The following SMC5 variants were observed in gnomAD, a reference collection of about 807,000 sequenced individuals.
SMC5 encodes structural maintenance of chromosomes protein 5.
SMC5 carries 88 observed loss-of-function variants against 148.3 expected under a neutral mutation model. The ratio of observed to expected loss-of-function variants is 0.59; its 90% CI spans 0.50 to 0.71. SMC5 has a LOEUF of 0.71. Ranked by LOEUF, SMC5 falls within the 30% of genes least tolerant of loss-of-function variation. The pLI, the probability that SMC5 is intolerant of heterozygous loss-of-function variation, is 0.00. For synonymous variants in SMC5, 421 were observed against 432.8 expected, an observed-to-expected ratio of 0.97 and a Z score of 0.34; for missense variants, 1,142 against 1,298.9, an observed-to-expected ratio of 0.88 and a Z score of 1.86.
At chr9:70,278,817 G>A (rs2034668482) in intron 5 of SMC5, among the ~76,000 whole-genome samples, 192 bp downstream of exon 5, 1 of 151,998 alleles carries the variant, frequency 6.6e-6, no homozygotes, top group Non-Finnish European at 1.5e-5. Flanking sequence ...AGTTTAAAAA[G>A]GTTGACTATT....
At chr9:70,309,281 A>T (rs1291418358) in intron 11 of SMC5, among the ~76,000 whole-genome samples, 2 of 136,080 alleles carry the variant, frequency 1.5e-5, no homozygotes, top group Non-Finnish European at 3.1e-5. Context: ...AGCATATGAT[A>T]GCATTTTACC....
intron 4 of SMC5, 105 bp from the exon 5 acceptor site, chr9:70,278,386 T>C: frequency 2.6e-6 from 3 of 1,134,796 alleles, no homozygotes; most frequent in Non-Finnish European, 3.8e-6. Context: ...TCAAATGTTT[T>C]TTTTAATGAG....
At chr9:70,279,817 CAAAAAA>C (rs561567100) in intron 5 of SMC5, among the ~76,000 whole-genome samples, 22 of 56,612 alleles carry the variant, frequency 3.9e-4, no homozygotes, top group African/African-American at 8.6e-4. Flanking sequence ...AACTCCGTTT[CAAAAAA>C]AAAAAAAAAA....
At position 70,259,258 on chromosome 9, in the gene SMC5, C is replaced by T. The variant is rs1233818356; in HGVS notation, c.180C>T (p.Asn60=). Residue 60 remains asparagine (N), a synonymous_variant, in exon 1 of 25, where the codon AAC becomes AAT. Coordinates refer to ENST00000361138, the MANE Select transcript of SMC5 (RefSeq NM_015110.4). ...EGSIVRISME[N]FLTYDICEVS... Reference sequence around the variant, plus strand: ...CTATCGTCCGCATCTCGATGGAGAACTTCCTGTAAGTTGCCCGGAGGCCGC... The same window carrying T: ...CTATCGTCCGCATCTCGATGGAGAATTTCCTGTAAGTTGCCCGGAGGCCGC... The T allele has an allele frequency of 6.3e-7, 1 of 1,582,892 alleles. No individual in the cohort carries two copies. Among genetic ancestry groups the T allele is most frequent in the Admixed American group, 1.8e-5 (1 of 55,672 alleles).
Position 70,275,430 on chromosome 9 carries a change from G to A in SMC5, c.381-1880G>A, listed in dbSNP as rs184795543. Among the ~76,000 whole-genome samples, 16 of 152,092 alleles carry A rather than the reference G, an allele frequency of 1.1e-4. No individual in the cohort carries two copies. The East Asian group carries it at 2.9e-3, about 28-fold the overall frequency. ...TGCTCAGACAGGTCTCGAACTCCTA[G>A]GCTCAAGTGATCCTCCCACCTTTGC... is the stretch of plus-strand genomic sequence containing the variant. On this transcript the variant is annotated intron_variant, in intron 3 of 24. Coordinates refer to ENST00000361138, the MANE Select transcript of SMC5 (RefSeq NM_015110.4).
In SMC5 at chr9:70,282,465, T is replaced by C. The variant is rs149237018; in HGVS notation, c.863T>C (p.Val288Ala). 2 of 1,606,096 alleles carry C rather than the reference T, an allele frequency of 1.2e-6. No homozygotes were observed. Among genetic ancestry groups the C allele is most frequent in the Non-Finnish European group, 1.7e-6 (2 of 1,177,700 alleles). ...CAGGAATATGAAGAAGTAAAACTAG[T>C]TCGTGACCGAGTGAAGGAAGAGGTC... The part of the protein sequence containing the change: ...VRQEYEEVKL[V>A]RDRVKEEVRK... The change falls in exon 7 of 25, where the codon GTT (valine) becomes GCT (alanine). Residue 288 changes from valine to alanine, a missense_variant. Val to Ala is a moderately conservative substitution (Grantham distance 64). Transcript: ENST00000361138.
At chr9:70,280,986 G>A in intron 6 of SMC5, 87 bp downstream of exon 6, 1 of 1,427,972 alleles carries the variant, frequency 7.0e-7, no homozygotes. Flanking sequence ...GTGTATTCAA[G>A]TTAGGTGCTT....
chr9:70,265,984 G>A (rs1469556113), intron 2 of SMC5, among the ~76,000 whole-genome samples: 1 of 152,120 alleles, frequency 6.6e-6, no homozygotes, highest in African/African-American at 2.4e-5. Context: ...TTTGAACAAT[G>A]AAGTTAAGCT....
chr9:70,278,412 T>C, intron 4 of SMC5, 79 bp from the exon 5 acceptor site: 1 of 1,374,152 alleles, frequency 7.3e-7, no homozygotes, highest in East Asian at 2.4e-5. Context: ...CCTTGACAAG[T>C]GTAAGCATTG....
At chr9:70,260,548 A>C (rs1465699291) in intron 1 of SMC5, among the ~76,000 whole-genome samples, 1 of 152,014 alleles carries the variant, frequency 6.6e-6, no homozygotes, top group Non-Finnish European at 1.5e-5. Flanking sequence ...TATCTTGATA[A>C]TTTCCATTGC....
chr9:70,324,171 T>C (rs1654345660), intron 17 of SMC5, 28 bp downstream of exon 17: 2 of 1,577,528 alleles, frequency 1.3e-6, no homozygotes, highest in African/African-American at 2.8e-5. Context: ...ACTTTTTATT[T>C]TGAGGTTCTA....
intron 8 of SMC5, among the ~76,000 whole-genome samples, chr9:70,286,533 AT>A (rs2034907109): frequency 6.6e-6 from 1 of 152,112 alleles, no homozygotes. Flanking sequence ...ATAATGGTGG[AT>A]TTGGTTACCT....
chr9:70,284,348 T>C (rs1008832414), intron 7 of SMC5, among the ~76,000 whole-genome samples: 5 of 152,226 alleles, frequency 3.3e-5, no homozygotes, highest in Non-Finnish European at 5.9e-5. Context: ...ATTGTAGATA[T>C]TATCTAGACA....
intron 8 of SMC5, among the ~76,000 whole-genome samples, chr9:70,287,849 ATT>A (rs2034952755): frequency 6.6e-6 from 1 of 152,036 alleles, no homozygotes; most frequent in East Asian, 1.9e-4. Flanking sequence ...GTTTGTTTTT[ATT>A]TTTTAGAAGG....
In SMC5 at chr9:70,350,313, A is replaced by G. The variant is rs1216403800; in HGVS notation, c.3069+20A>G. The G allele has an allele frequency of 6.2e-7, 1 of 1,611,658 alleles. No individual in the cohort carries two copies. The highest frequency in any genetic ancestry group is 8.5e-7 in the Non-Finnish European group (1 of 1,179,054). On this transcript the variant is annotated intron_variant, in intron 23 of 24. Transcript: ENST00000361138. ...AATCAGGTATGGTGATTGTTCTGTT[A>G]CTTGGATCTTCTTATATCCTGTAAC...
rs545507806 is a variant in SMC5, at chr9:70,349,052, A to G, written c.2889+1014A>G. On this transcript the variant is annotated intron_variant, in intron 22 of 24. Transcript: ENST00000361138. The stretch of plus-strand genomic sequence containing the variant: ...CTATTCAATTAATAGATAACCTTTA[A>G]TTAGTAAGTTTCATGTTTTTCGTTT... Among the ~76,000 whole-genome samples, 10 of 129,834 alleles carry G rather than the reference A, an allele frequency of 7.7e-5. 1 individual carries two copies. The highest frequency in any genetic ancestry group is 4.5e-4 in the South Asian group (2 of 4,470). The allele number at this position is 129,834 out of a possible 152,430, so 85.2% of individuals were successfully genotyped here.
At chr9:70,347,858 G>T (rs887307820) in intron 21 of SMC5, 61 bp from the exon 22 acceptor site, 5 of 1,460,730 alleles carry the variant, frequency 3.4e-6, no homozygotes, top group East Asian at 4.7e-5. Context: ...ACATAAAATT[G>T]TGTGTCAGAA....
At chr9:70,281,550 A>C (rs1049902745) in intron 6 of SMC5, among the ~76,000 whole-genome samples, 2 of 152,222 alleles carry the variant, frequency 1.3e-5, no homozygotes, top group African/African-American at 4.8e-5. Context: ...TTCGGGTTAA[A>C]GATTCAATTC....
At chr9:70,342,824 C>T (rs2036561761) in intron 17 of SMC5, among the ~76,000 whole-genome samples, 1 of 152,168 alleles carries the variant, frequency 6.6e-6, no homozygotes, top group Non-Finnish European at 1.5e-5. Flanking sequence ...AATTCCTCTC[C>T]TCCAGCCACA....
Sources: gnomAD v4.1 joint callset for allele counts (sites outside exome capture counted in the v4.1 genomes callset) on GRCh38, gnomAD v4.1.1 for gene constraint, MANE v1.5 for transcripts, NCBI Gene and HGNC (gene_info 2026-07-23, HGNC 2026-07-21) for gene names.